The following PPP1R42 variants were observed in gnomAD, a reference collection of about 807,000 sequenced individuals.
The protein encoded by PPP1R42 is leucine rich repeat containing 67.
A neutral mutation model predicts 31.0 loss-of-function variants in PPP1R42; 34 were observed. The observed-to-expected ratio is 1.10, with a 90% CI of 0.83 to 1.46. The LOEUF (loss-of-function observed/expected upper bound fraction) is 1.46, where lower values mean the gene tolerates loss of function less well. PPP1R42 is among the 40% of genes most tolerant of loss of function. The pLI, the probability that PPP1R42 is intolerant of heterozygous loss-of-function variation, is 0.00. For missense variants in PPP1R42, 268 were observed against 303.0 expected, an observed-to-expected ratio of 0.88 and a Z score of 0.86; for synonymous variants, 103 against 109.8, an observed-to-expected ratio of 0.94 and a Z score of 0.39.
chr8:66,992,112 G>C (rs988014460), intron 5 of PPP1R42, among the ~76,000 whole-genome samples: 28 of 152,050 alleles, frequency 1.8e-4, no homozygotes, highest in African/African-American at 6.5e-4. Context: ...TCAATTCTTT[G>C]GAATATCGTA....
chr8:66,988,304 A>T, intron 6 of PPP1R42, 96 bp downstream of exon 6: 1 of 1,278,932 alleles, frequency 7.8e-7, no homozygotes. Context: ...ACAGATCCAG[A>T]TGTCAGATTT....
chr8:66,976,280 G>GT (rs1814670383), intron 7 of PPP1R42, among the ~76,000 whole-genome samples: 1 of 152,074 alleles, frequency 6.6e-6, no homozygotes, highest in African/African-American at 2.4e-5. Context: ...CTGACTCTGC[G>GT]TTATGGTGAA....
At chr8:66,991,832 T>A (rs1414130281) in intron 5 of PPP1R42, among the ~76,000 whole-genome samples, 1 of 151,982 alleles carries the variant, frequency 6.6e-6, no homozygotes. Flanking sequence ...CTTCTCAAAC[T>A]TTCATGTGCT....
intron 7 of PPP1R42, among the ~76,000 whole-genome samples, chr8:66,969,037 T>C (rs1814464777): frequency 6.6e-6 from 1 of 152,172 alleles, no homozygotes; most frequent in African/African-American, 2.4e-5. Context: ...GTAGTTTGTA[T>C]TTTAAAAAAT....
At chr8:66,989,586 G>A (rs1233367753) in intron 5 of PPP1R42, among the ~76,000 whole-genome samples, 1 of 152,122 alleles carries the variant, frequency 6.6e-6, no homozygotes, top group Non-Finnish European at 1.5e-5. Context: ...CTCAACAAAA[G>A]TAGTGCACAT....
intron 1 of PPP1R42, among the ~76,000 whole-genome samples, chr8:67,022,131 T>TA (rs916395457): frequency 6.6e-6 from 1 of 152,210 alleles, no homozygotes; most frequent in East Asian, 1.9e-4. Flanking sequence ...CACTGGCAAG[T>TA]AAAAGAGTTC....
chr8:67,009,635 T>C (rs1815785951), intron 5 of PPP1R42, among the ~76,000 whole-genome samples: 1 of 152,218 alleles, frequency 6.6e-6, no homozygotes, highest in Admixed American at 6.5e-5. Flanking sequence ...CTTACATTTT[T>C]CACATTGTAA....
chr8:66,977,975 T>C (rs1814725570), intron 7 of PPP1R42, among the ~76,000 whole-genome samples: 1 of 152,166 alleles, frequency 6.6e-6, no homozygotes, highest in Non-Finnish European at 1.5e-5. Context: ...TTGAGGAACC[T>C]CCATTCTGTT....
intron 5 of PPP1R42, among the ~76,000 whole-genome samples, chr8:67,003,724 CT>C (rs1230607803): frequency 5.9e-5 from 9 of 151,702 alleles, no homozygotes; most frequent in East Asian, 5.8e-4. Flanking sequence ...TATGTTGAAA[CT>C]TTTTTTTTCC....
intron 1 of PPP1R42, among the ~76,000 whole-genome samples, chr8:67,023,926 C>G (rs890926839): frequency 6.6e-6 from 1 of 151,444 alleles, no homozygotes; most frequent in Non-Finnish European, 1.5e-5. Flanking sequence ...GGGCAGATCA[C>G]GAGGCCAAGA....
chr8:67,017,816 T>C lies in PPP1R42; in HGVS notation c.-69A>G. 7.0e-7 allele frequency: 1 copy of C among 1,436,166 alleles called. No individual in the cohort carries two copies. Among genetic ancestry groups the C allele is most frequent in the South Asian group, 1.8e-5 (1 of 56,392 alleles). The allele number at this position is 1,436,166 out of a possible 1,614,324, so 89.0% of individuals were successfully genotyped here. Reference sequence around the variant, plus strand: ...CACCATGTCAAGAAGTAGGTTTAGGTATTATTTCCAACTTTCTGAAGATTA... The same window carrying C: ...CACCATGTCAAGAAGTAGGTTTAGGCATTATTTCCAACTTTCTGAAGATTA... On this transcript the variant is annotated 5_prime_UTR_variant, in exon 2 of 8. The change creates a new upstream start codon in the 5' untranslated region. Coordinates refer to ENST00000685739, the MANE Select transcript of PPP1R42 (RefSeq NM_001364910.1).
intron 7 of PPP1R42, among the ~76,000 whole-genome samples, chr8:66,981,661 G>A (rs978175250): frequency 2.6e-5 from 4 of 151,954 alleles, no homozygotes; most frequent in Non-Finnish European, 2.9e-5. Context: ...GATTACAGGT[G>A]TGAGCCACCG....
chr8:67,007,556 A>G (rs1815723416), intron 5 of PPP1R42, among the ~76,000 whole-genome samples: 1 of 152,116 alleles, frequency 6.6e-6, no homozygotes, highest in African/African-American at 2.4e-5. Context: ...CACGTCAGCC[A>G]GGGTGATCTT....
intron 5 of PPP1R42, among the ~76,000 whole-genome samples, chr8:67,002,263 G>A (rs1374313491): frequency 6.6e-6 from 1 of 152,140 alleles, no homozygotes; most frequent in Non-Finnish European, 1.5e-5. Flanking sequence ...GCAATGGCAC[G>A]ATCTCGGCTC....
In PPP1R42 at chr8:67,028,522, G is replaced by A. The variant is rs1013202930; in HGVS notation, c.-116C>T. The A allele has an allele frequency of 3.0e-6, 3 of 985,528 alleles. No individual in the cohort carries two copies. Among genetic ancestry groups the A allele is most frequent in the Non-Finnish European group, 3.6e-6 (3 of 829,972 alleles). 61.0% of individuals were successfully genotyped at this position (985,528 alleles called of 1,614,324 possible). On this transcript the variant is annotated 5_prime_UTR_variant, in exon 1 of 8. Transcript: ENST00000685739. ...CGGGACAGTCCGGTAGCTAACTCCA[G>A]TTTGGTCGGTTTCATCGGCGCCGGG... is the stretch of plus-strand genomic sequence containing the variant.
chr8:66,974,350 T>G (rs1034662178), intron 7 of PPP1R42, among the ~76,000 whole-genome samples: 1 of 151,836 alleles, frequency 6.6e-6, no homozygotes, highest in African/African-American at 2.4e-5. Context: ...AGTTCAGGAG[T>G]TGGAGACCAG....
chr8:66,988,262 T>G, intron 6 of PPP1R42, 138 bp downstream of exon 6: 4 of 1,268,358 alleles, frequency 3.2e-6, no homozygotes, highest in Non-Finnish European at 4.0e-6. Context: ...TTGCTCTTAT[T>G]CAAAATATTG....
intron 5 of PPP1R42, among the ~76,000 whole-genome samples, chr8:66,990,926 T>C (rs772541453): frequency 2.0e-5 from 3 of 152,148 alleles, no homozygotes; most frequent in Non-Finnish European, 2.9e-5. Flanking sequence ...AATTAGAAAC[T>C]GAGAAAACAT....
At chr8:67,003,828 C>T (rs957528721) in intron 5 of PPP1R42, among the ~76,000 whole-genome samples, 3 of 152,116 alleles carry the variant, frequency 2.0e-5, no homozygotes, top group African/African-American at 7.2e-5. Context: ...CGGTGGCTCA[C>T]GCCTGTAATC....
Sources: allele counts gnomAD v4.1 joint callset (sites outside exome capture counted in the v4.1 genomes callset), GRCh38; gene constraint gnomAD v4.1.1; transcripts MANE v1.5; gene names NCBI Gene and HGNC (gene_info 2026-07-23, HGNC 2026-07-21).